The following ACTN1 variants were observed in gnomAD, a reference collection of about 807,000 sequenced individuals.
The protein encoded by ACTN1 is actinin alpha 1.
A neutral mutation model predicts 119.6 loss-of-function variants in ACTN1; 30 were observed. That is an observed-to-expected ratio of 0.25 (90% CI 0.19 to 0.34). ACTN1 has a LOEUF of 0.34. ACTN1 is among the 10% of genes least tolerant of loss of function. The pLI, the probability that ACTN1 is intolerant of heterozygous loss-of-function variation, is 1.00. For synonymous variants in ACTN1, 429 were observed against 472.6 expected (o/e 0.91, Z 1.20); for missense variants, 764 against 1,223.4 (o/e 0.62, Z 5.60).
At chr14:68,976,513 A>AC (rs1229695370) in intron 1 of ACTN1, among the ~76,000 whole-genome samples, 4 of 152,232 alleles carry the variant, frequency 2.6e-5, no homozygotes, top group Non-Finnish European at 2.9e-5. Flanking sequence ...TTAACAGGAA[A>AC]CAAACAAACA....
intron 1 of ACTN1, among the ~76,000 whole-genome samples, chr14:68,938,322 T>C (rs2035621723): frequency 6.6e-6 from 1 of 152,128 alleles, no homozygotes; most frequent in Non-Finnish European, 1.5e-5. Context: ...ATGTGAGTGC[T>C]GGGGTCCTGG....
chr14:68,912,031 G>A (rs1383170751), intron 4 of ACTN1, 125 bp downstream of exon 4: 1 of 772,278 alleles, frequency 1.3e-6, no homozygotes, highest in South Asian at 1.7e-5. Context: ...CCCAATAAAT[G>A]AGCAAGAAGC....
chr14:68,932,041 C>T (rs1469129455), intron 1 of ACTN1, among the ~76,000 whole-genome samples: 1 of 151,826 alleles, frequency 6.6e-6, no homozygotes, highest in Admixed American at 6.6e-5. Flanking sequence ...TCAAGGTGCA[C>T]ACTACCATGC....
chr14:68,949,753 A>T (rs2036067327), intron 1 of ACTN1, among the ~76,000 whole-genome samples: 1 of 152,202 alleles, frequency 6.6e-6, no homozygotes, highest in South Asian at 2.1e-4. Context: ...TCATACATAC[A>T]ATGGACTATG....
intron 8 of ACTN1, among the ~76,000 whole-genome samples, chr14:68,896,416 G>A (rs910473631): frequency 6.6e-6 from 1 of 152,116 alleles, no homozygotes; most frequent in African/African-American, 2.4e-5. Flanking sequence ...CCAGGCTTAG[G>A]CCCACGGGAC....
chr14:68,874,128 T>C lies in ACTN1; in HGVS notation c.*731A>G, dbSNP rs1394502124. The C allele has an allele frequency of 1.3e-5, 2 of 152,266 alleles. No homozygotes were observed. The highest frequency in any genetic ancestry group is 2.4e-5 in the African/African-American group (1 of 41,406). 9.4% of individuals were successfully genotyped at this position (152,266 alleles called of 1,614,324 possible). ...GCAAGGAGCAGGCAAAGAGCTGTCA[T>C]AGGAGTGTGGTTTTTTTAATACCAT... is the stretch of plus-strand genomic sequence containing the variant. On this transcript the variant is annotated 3_prime_UTR_variant, in exon 22 of 22. Coordinates refer to ENST00000394419, the MANE Select transcript of ACTN1 (RefSeq NM_001130004.2).
intron 2 of ACTN1, among the ~76,000 whole-genome samples, chr14:68,923,323 T>C (rs1219604098): frequency 6.6e-6 from 1 of 151,932 alleles, no homozygotes; most frequent in Non-Finnish European, 1.5e-5. Flanking sequence ...GTATTATAGG[T>C]GCTGGGGAGC....
chr14:68,930,484 G>T (rs1284401415), intron 1 of ACTN1, among the ~76,000 whole-genome samples: 1 of 152,206 alleles, frequency 6.6e-6, no homozygotes, highest in Non-Finnish European at 1.5e-5. Context: ...TGAGTTAGGG[G>T]ATGAGCTTTT....
chr14:68,940,825 A>G lies in ACTN1; in HGVS notation c.106-15153T>C, dbSNP rs186924758. ...AAAGGTCAAACCACTTATCATTACAAATTTGCAAGAAAGAAAGAGATCCTG... is the reference window on the plus strand; with the variant it reads ...AAAGGTCAAACCACTTATCATTACAGATTTGCAAGAAAGAAAGAGATCCTG... On this transcript the variant is annotated intron_variant, in intron 1 of 21. Transcript: ENST00000394419. Among the ~76,000 whole-genome samples, 11 of 152,316 alleles carry G rather than the reference A, an allele frequency of 7.2e-5. No individual in the cohort carries two copies. The East Asian group carries it at 2.1e-3, about 29-fold the overall frequency.
intron 1 of ACTN1, among the ~76,000 whole-genome samples, chr14:68,972,066 C>A (rs75597826): frequency 1.3e-5 from 2 of 152,086 alleles, no homozygotes; most frequent in African/African-American, 4.8e-5. Context: ...GGAGAGCACA[C>A]GGAGAGAAGC....
rs561095465 is a variant in ACTN1 at position 68,969,377 on chromosome 14, C to T, written c.105+9575G>A. On this transcript the variant is annotated intron_variant, in intron 1 of 21. Coordinates refer to ENST00000394419, the MANE Select transcript of ACTN1 (RefSeq NM_001130004.2). The stretch of plus-strand genomic sequence containing the variant: ...TCCCTGCCTCCAGGAAAACACAATT[C>T]ATAAGCCACCTCCTGCATCTCCCAG... 4.1e-4 allele frequency among the ~76,000 whole-genome samples: 62 copies of T among 152,310 alleles called. 1 individual carries two copies. The South Asian group carries it at 0.011, about 27-fold the overall frequency.
chr14:68,907,827 T>G (rs1175843126), intron 6 of ACTN1, among the ~76,000 whole-genome samples: 1 of 152,006 alleles, frequency 6.6e-6, no homozygotes, highest in African/African-American at 2.4e-5. Context: ...GTGGATGAAC[T>G]GGCCACTGAC....
At chr14:68,919,101 G>C (rs1401862689) in intron 3 of ACTN1, among the ~76,000 whole-genome samples, 1 of 152,184 alleles carries the variant, frequency 6.6e-6, no homozygotes, top group Non-Finnish European at 1.5e-5. Flanking sequence ...CCCTTTGGTA[G>C]AGGCTTTAAA....
At chr14:68,884,678 A>G (rs1056915108) in intron 13 of ACTN1, 97 bp downstream of exon 13, 1 of 1,065,276 alleles carries the variant, frequency 9.4e-7, no homozygotes, top group Non-Finnish European at 1.4e-6. Context: ...GGGAAGCCAT[A>G]GAGTCTTTTA....
intron 1 of ACTN1, chr14:68,978,084 C>A (rs1260830727): frequency 2.2e-6 from 1 of 455,260 alleles, no homozygotes; most frequent in Non-Finnish European, 4.4e-6. Flanking sequence ...CGTGGCGGGG[C>A]GCGCACCCGG....
intron 8 of ACTN1, among the ~76,000 whole-genome samples, chr14:68,896,026 T>C (rs2032853261): frequency 6.6e-6 from 1 of 152,094 alleles, no homozygotes; most frequent in Non-Finnish European, 1.5e-5. Flanking sequence ...TGACTGAGAA[T>C]ACCATCCATT....
At chr14:68,927,506 G>T (rs1172345033) in intron 1 of ACTN1, among the ~76,000 whole-genome samples, 1 of 152,220 alleles carries the variant, frequency 6.6e-6, no homozygotes, top group Non-Finnish European at 1.5e-5. Context: ...GGGCAGCCAG[G>T]TGAAGGAACA....
At position 68,909,409 on chromosome 14, in the gene ACTN1, AGAG is replaced by A; in HGVS notation, c.516-16_516-14del. 6.2e-7 allele frequency: 1 copy of A among 1,613,710 alleles called. No individual in the cohort carries two copies. The highest frequency in any genetic ancestry group is 1.3e-5 in the African/African-American group (1 of 75,004). On this transcript the variant is annotated splice_polypyrimidine_tract_variant and intron_variant, in intron 5 of 21. Coordinates refer to ENST00000394419, the MANE Select transcript of ACTN1 (RefSeq NM_001130004.2). This position sits in a 1 kb window ranked among gnomAD's most constrained non-coding sequence, Gnocchi z 4.1. ...GCCATCCTTCCAGCTGCCCGGGGAG[AGAG>A]AAGAAGGAGCAGGCTGGTAAATGAG...
In ACTN1 at chr14:68,902,513, C is replaced by T. The variant is rs1244764854; in HGVS notation, c.726G>A (p.Val242=). ...RPDEKAIMTY[V]SSFYHAFSGA... ...CAGAGAAGGCGTGGTAGAAGCTAGA[C>T]ACGTAAGTCATGATGGCTTTCTCAT... Residue 242 remains valine, a synonymous_variant, in exon 8 of 22, where the codon GTG becomes GTA. Transcript: ENST00000394419. 1.2e-6 allele frequency: 2 copies of T among 1,613,900 alleles called. No homozygotes were observed. The highest frequency in any genetic ancestry group is 1.7e-6 in the Non-Finnish European group (2 of 1,179,920).
Sources: allele counts gnomAD v4.1 joint callset (sites outside exome capture counted in the v4.1 genomes callset), GRCh38; gene constraint gnomAD v4.1.1; non-coding constraint Gnocchi (gnomAD v3.1); transcripts MANE v1.5; gene names NCBI Gene and HGNC (gene_info 2026-07-23, HGNC 2026-07-21).